The following RNF32 variants were observed in gnomAD, a reference collection of about 807,000 sequenced individuals.
The protein encoded by RNF32 is ring finger protein 32.
Under a neutral mutation model 41.0 loss-of-function variants are expected in RNF32, and 36 were observed. The ratio of observed to expected loss-of-function variants is 0.88; its 90% CI spans 0.67 to 1.16. RNF32 has a LOEUF of 1.16. RNF32 is among the 50% of genes most tolerant of loss of function. The pLI, the probability that RNF32 is intolerant of heterozygous loss-of-function variation, is 0.00. For synonymous variants in RNF32, 154 were observed against 160.9 expected (o/e 0.96, Z 0.32); for missense variants, 413 against 436.7 (o/e 0.95, Z 0.48).
intron 3 of RNF32, among the ~76,000 whole-genome samples, chr7:156,651,050 C>T (rs1798648507): frequency 6.6e-6 from 1 of 152,138 alleles, no homozygotes; most frequent in South Asian, 2.1e-4. Flanking sequence ...CTTGTAGCTG[C>T]TTGATTCTTA....
At chr7:156,640,926 G>A (rs549745533) in intron 1 of RNF32, 115 bp downstream of exon 1, 1 of 186,820 alleles carries the variant, frequency 5.4e-6, no homozygotes, top group South Asian at 8.2e-5. Flanking sequence ...CTCCGAGCCG[G>A]GCCGGCGATG....
At position 156,675,842 on chromosome 7, in the gene RNF32, A is replaced by G. The variant is rs371453082; in HGVS notation, c.831A>G (p.Glu277=). 2.0e-5 allele frequency: 32 copies of G among 1,613,808 alleles called. No individual in the cohort carries two copies. Among genetic ancestry groups the G allele is most frequent in the Non-Finnish European group, 2.6e-5 (31 of 1,179,856 alleles). The change falls in exon 8 of 9, where the codon GAA becomes GAG. Residue 277 remains glutamate (E), a synonymous_variant. Transcript: ENST00000317955. ...GTGGCCATGAGATCACAGAAGAGGA[A>G]TGGGAGAAAATCCAAGTGCAGGTAG... is the stretch of plus-strand genomic sequence containing the variant. ...EKCGHEITEE[E]WEKIQVQALR...
At chr7:156,664,725 C>A (rs1211035635) in intron 7 of RNF32, among the ~76,000 whole-genome samples, 7 of 152,142 alleles carry the variant, frequency 4.6e-5, no homozygotes, top group Admixed American at 4.6e-4. Flanking sequence ...CGGACCCTAT[C>A]TTAGTAAAGA....
chr7:156,655,419 C>T (rs1037331359), intron 4 of RNF32, among the ~76,000 whole-genome samples: 1 of 152,186 alleles, frequency 6.6e-6, no homozygotes, highest in Non-Finnish European at 1.5e-5. Context: ...CGTGCACGTG[C>T]GTGCGTGGTT....
intron 1 of RNF32, among the ~76,000 whole-genome samples, chr7:156,642,331 G>A (rs994811390): frequency 2.0e-5 from 3 of 152,170 alleles, no homozygotes; most frequent in African/African-American, 7.2e-5. Context: ...ATGAAACACT[G>A]AAGTACATAT....
At chr7:156,674,299 G>A (rs1027129208) in intron 7 of RNF32, among the ~76,000 whole-genome samples, 3 of 152,188 alleles carry the variant, frequency 2.0e-5, no homozygotes, top group Admixed American at 6.5e-5. Flanking sequence ...CATGAGCCAC[G>A]TCCATCTGGA....
At chr7:156,646,480 A>C in intron 3 of RNF32, 2 of 1,301,436 alleles carry the variant, frequency 1.5e-6, no homozygotes, top group Non-Finnish European at 2.0e-6. Context: ...TGTACAGCCA[A>C]CTTTAAACCA....
At chr7:156,643,603 A>C (rs1797641291) in intron 1 of RNF32, among the ~76,000 whole-genome samples, 198 bp from the exon 2 acceptor site, 1 of 152,228 alleles carries the variant, frequency 6.6e-6, no homozygotes, top group Non-Finnish European at 1.5e-5. Flanking sequence ...GAACTATTTG[A>C]GGACAGGGAT....
At chr7:156,657,389 C>A in intron 4 of RNF32, 152 bp from the exon 5 acceptor site, 1 of 718,112 alleles carries the variant, frequency 1.4e-6, no homozygotes. Context: ...CTGTGCTAAA[C>A]AAACAATAAA....
rs1563089161 is a variant in RNF32, at chr7:156,664,412, G to C, written c.684+5842G>C. 2.0e-5 allele frequency among the ~76,000 whole-genome samples: 3 copies of C among 152,216 alleles called. No individual in the cohort carries two copies. In the South Asian group the frequency reaches 6.2e-4, roughly 32 times the overall value. On this transcript the variant is annotated intron_variant, in intron 7 of 8. Coordinates refer to ENST00000317955, the MANE Select transcript of RNF32 (RefSeq NM_030936.4). ...GGAGGCAGAGGTTGCAGTGAGCCAAGATCGTGCCATTGCACTCCAGCCTGG... is the reference window on the plus strand; with the variant it reads ...GGAGGCAGAGGTTGCAGTGAGCCAACATCGTGCCATTGCACTCCAGCCTGG...
At chr7:156,648,604 T>A (rs1798294884) in intron 3 of RNF32, among the ~76,000 whole-genome samples, 2 of 152,350 alleles carry the variant, frequency 1.3e-5, no homozygotes, top group East Asian at 1.9e-4. Context: ...GACCTCTTTA[T>A]GGAAAAAATC....
intron 7 of RNF32, among the ~76,000 whole-genome samples, chr7:156,662,610 C>T (rs536268954): frequency 2.9e-4 from 44 of 151,736 alleles, no homozygotes; most frequent in African/African-American, 9.0e-4. Flanking sequence ...TGACCTGGGA[C>T]GTTGGTTTTC....
intron 7 of RNF32, among the ~76,000 whole-genome samples, chr7:156,671,308 G>A (rs1802448160): frequency 2.0e-5 from 3 of 152,182 alleles, no homozygotes; most frequent in African/African-American, 7.2e-5. Context: ...ACTCAGAAGA[G>A]ATGCCTGAAA....
At position 156,669,888 on chromosome 7, in the gene RNF32, A is replaced by G. The variant is rs1260843938; in HGVS notation, c.685-5808A>G. Among the ~76,000 whole-genome samples, 1 of 152,148 alleles carries G rather than the reference A, an allele frequency of 6.6e-6. No individual in the cohort carries two copies. Among genetic ancestry groups the G allele is most frequent in the Non-Finnish European group, 1.5e-5 (1 of 68,018 alleles). On this transcript the variant is annotated intron_variant, in intron 7 of 8. Coordinates refer to ENST00000317955, the MANE Select transcript of RNF32 (RefSeq NM_030936.4). This position sits in a 1 kb window ranked among gnomAD's most constrained non-coding sequence, Gnocchi z 4.2. ...TGGGGACTCTGTTCCAGGTGACAGG[A>G]GGGCGGGCGGTCATGGCCTAGTGCC...
chr7:156,668,773 T>C (rs145414290), intron 7 of RNF32, among the ~76,000 whole-genome samples: 22 of 152,362 alleles, frequency 1.4e-4, no homozygotes, highest in Admixed American at 3.9e-4. Flanking sequence ...GCACAGTGCC[T>C]GTTCTATGGC....
At chr7:156,659,927 A>G in intron 7 of RNF32, 1 of 985,496 alleles carries the variant, frequency 1.0e-6, no homozygotes, top group Non-Finnish European at 1.2e-6. Flanking sequence ...GACCTGATCA[A>G]ACAAGTTCCT....
Position 156,644,603 on chromosome 7 carries a change from T to A in RNF32, c.120T>A (p.Ser40=). The A allele has an allele frequency of 6.2e-7, 1 of 1,613,506 alleles. No homozygotes were observed. Among genetic ancestry groups the A allele is most frequent in the African/African-American group, 1.3e-5 (1 of 75,024 alleles). ...QLRNLSVADH[S]KTQVQKKENK... is the part of the protein sequence containing the mutation. ...GAAATCTTTCAGTTGCAGATCATTC[T>A]AAGACACAAGTACAAAAGAAAGAGA... Residue 40 remains serine (S), a synonymous_variant, in exon 3 of 9, where the codon TCT becomes TCA. Transcript: ENST00000317955.
At chr7:156,643,915 A>G (rs1323959143) in intron 2 of RNF32, 23 bp downstream of exon 2, 2 of 1,592,934 alleles carry the variant, frequency 1.3e-6, no homozygotes, top group Admixed American at 1.7e-5. Flanking sequence ...TTTCTTAAAC[A>G]TACACGTTAT....
intron 3 of RNF32, among the ~76,000 whole-genome samples, chr7:156,651,993 T>C (rs1798804209): frequency 6.6e-6 from 1 of 152,200 alleles, no homozygotes; most frequent in Non-Finnish European, 1.5e-5. Context: ...CTGGACCTCA[T>C]GGCGGCCTCC....
Sources: allele counts gnomAD v4.1 joint callset (sites outside exome capture counted in the v4.1 genomes callset), GRCh38; gene constraint gnomAD v4.1.1; non-coding constraint Gnocchi (gnomAD v3.1); transcripts MANE v1.5; gene names NCBI Gene and HGNC (gene_info 2026-07-23, HGNC 2026-07-21).